The following TRPC1 variants were observed in gnomAD, a reference collection of about 807,000 sequenced individuals.
The protein encoded by TRPC1 is short transient receptor potential channel 1.
TRPC1 carries 42 observed loss-of-function variants against 88.2 expected under a neutral mutation model. The ratio of observed to expected loss-of-function variants is 0.48; its 90% CI spans 0.37 to 0.62. The LOEUF is 0.62. Ranked by LOEUF, TRPC1 falls within the 20% of genes least tolerant of loss-of-function variation. TRPC1 has a pLI of 0.00. For missense variants in TRPC1, 699 were observed against 957.3 expected, an observed-to-expected ratio of 0.73 and a Z score of 3.56; for synonymous variants, 288 against 331.8, an observed-to-expected ratio of 0.87 and a Z score of 1.43.
intron 4 of TRPC1, among the ~76,000 whole-genome samples, chr3:142,762,321 C>T (rs912214022): frequency 6.6e-6 from 1 of 151,986 alleles, no homozygotes; most frequent in African/African-American, 2.4e-5. Context: ...CAGGTATGAG[C>T]CACCGTGCCT....
chr3:142,795,321 A>T (rs952945999), intron 9 of TRPC1, among the ~76,000 whole-genome samples: 1 of 138,148 alleles, frequency 7.2e-6, no homozygotes, highest in African/African-American at 3.3e-5. Flanking sequence ...ACATTTTCCA[A>T]ATTTGAAGAA....
chr3:142,725,311 C>T (rs1458141280), intron 1 of TRPC1, among the ~76,000 whole-genome samples: 1 of 152,112 alleles, frequency 6.6e-6, no homozygotes, highest in East Asian at 1.9e-4. Flanking sequence ...GAAGTAAGGA[C>T]GGGACGGAAG....
At chr3:142,764,015 T>A (rs991025775) in intron 4 of TRPC1, among the ~76,000 whole-genome samples, 23 of 117,228 alleles carry the variant, frequency 2.0e-4, no homozygotes, top group Non-Finnish European at 3.5e-4. Flanking sequence ...TATATATATA[T>A]AACAAATTAT....
chr3:142,778,141 G>C (rs1935847003), intron 5 of TRPC1, among the ~76,000 whole-genome samples: 1 of 152,130 alleles, frequency 6.6e-6, no homozygotes, highest in South Asian at 2.1e-4. Flanking sequence ...AATCATCCTT[G>C]AGTAATGATC....
At chr3:142,790,034 G>A (rs112952616) in intron 7 of TRPC1, among the ~76,000 whole-genome samples, 1 of 152,136 alleles carries the variant, frequency 6.6e-6, no homozygotes, top group Non-Finnish European at 1.5e-5. Context: ...AGAGTTAGGA[G>A]AATTGGGAGT....
At chr3:142,785,722 AACTCCTG>A (rs1226991096) in intron 7 of TRPC1, among the ~76,000 whole-genome samples, 2 of 152,104 alleles carry the variant, frequency 1.3e-5, no homozygotes, top group African/African-American at 4.8e-5. Flanking sequence ...GCTGGTCTCG[AACTCCTG>A]ACTTCGTAAT....
chr3:142,743,637 C>A, intron 3 of TRPC1, 51 bp downstream of exon 3: 11 of 1,187,640 alleles, frequency 9.3e-6, no homozygotes, highest in Non-Finnish European at 1.2e-5. Flanking sequence ...CAAAATAGAT[C>A]TCTTGCCCCA....
At chr3:142,769,263 C>G (rs1162671818) in intron 4 of TRPC1, among the ~76,000 whole-genome samples, 3 of 152,068 alleles carry the variant, frequency 2.0e-5, no homozygotes, top group Admixed American at 2.0e-4. Context: ...ATTTTTATCA[C>G]CTTATAAAGA....
intron 4 of TRPC1, among the ~76,000 whole-genome samples, chr3:142,762,341 T>C (rs561799126): frequency 3.9e-5 from 6 of 151,984 alleles, no homozygotes; most frequent in African/African-American, 1.4e-4. Flanking sequence ...TGGCCTCTTC[T>C]GTATTTTTTT....
At chr3:142,764,005 T>TAC in intron 4 of TRPC1, among the ~76,000 whole-genome samples, 1 of 126,930 alleles carries the variant, frequency 7.9e-6, no homozygotes. Context: ...CATACATATA[T>TAC]ATATATATAT....
chr3:142,796,853 A>AGGCAAGGCCTTCAGAGAAAGC (rs1490268891), intron 9 of TRPC1, among the ~76,000 whole-genome samples: 2 of 152,102 alleles, frequency 1.3e-5, no homozygotes, highest in Non-Finnish European at 2.9e-5. Flanking sequence ...GAAGAGAAAG[A>AGGCAAGGCCTTCAGAGAAAGC]GGCAAGGCCT....
At chr3:142,741,593 T>G (rs1176900883) in intron 2 of TRPC1, among the ~76,000 whole-genome samples, 1 of 152,218 alleles carries the variant, frequency 6.6e-6, no homozygotes, top group Non-Finnish European at 1.5e-5. Flanking sequence ...TCTTTCTTCC[T>G]TTCCCTCTAC....
intron 2 of TRPC1, among the ~76,000 whole-genome samples, chr3:142,738,849 A>T (rs770340913): frequency 1.3e-5 from 2 of 152,198 alleles, no homozygotes; most frequent in Non-Finnish European, 2.9e-5. Context: ...AATAATTGCT[A>T]ACATTTATAT....
chr3:142,762,236 A>C (rs1193168984), intron 4 of TRPC1, among the ~76,000 whole-genome samples: 2 of 151,996 alleles, frequency 1.3e-5, no homozygotes, highest in Non-Finnish European at 2.9e-5. Context: ...GGGTTTCACC[A>C]TGTTGCCCAG....
chr3:142,766,293 C>A (rs776875330), intron 4 of TRPC1, among the ~76,000 whole-genome samples: 1 of 152,020 alleles, frequency 6.6e-6, no homozygotes, highest in Non-Finnish European at 1.5e-5. Flanking sequence ...CAGACCCACC[C>A]TTAATCTGGG....
Position 142,806,875 on chromosome 3 carries a change from T to C in TRPC1, c.*640T>C, listed in dbSNP as rs1936809706. On this transcript the variant is annotated 3_prime_UTR_variant, in exon 13 of 13. Transcript: ENST00000476941. Reference sequence around the variant, plus strand: ...TACATGGTTATAATCACTTTATATTTTTAATGTTTTTTTCACTTAATATTT... The same window carrying C: ...TACATGGTTATAATCACTTTATATTCTTAATGTTTTTTTCACTTAATATTT... 6.6e-6 allele frequency: 1 copy of C among 152,028 alleles called. No individual in the cohort carries two copies. Among genetic ancestry groups the C allele is most frequent in the African/African-American group, 2.4e-5 (1 of 41,454 alleles). 9.4% of individuals were successfully genotyped at this position (152,028 alleles called of 1,614,324 possible). A position where few individuals can be genotyped will look rare whatever the true frequency, so the allele number is the denominator to read the frequency against.
chr3:142,791,215 A>G (rs1418470909), intron 8 of TRPC1, 57 bp downstream of exon 8: 4 of 1,482,412 alleles, frequency 2.7e-6, no homozygotes, highest in Admixed American at 2.0e-5. Context: ...GGAAATAGCT[A>G]AGATATTTAG....
chr3:142,744,259 T>TA (rs541807427), intron 3 of TRPC1, among the ~76,000 whole-genome samples: 1 of 151,944 alleles, frequency 6.6e-6, no homozygotes, highest in Non-Finnish European at 1.5e-5. Flanking sequence ...GTTGAAAATT[T>TA]AAAAAAAATC....
intron 5 of TRPC1, among the ~76,000 whole-genome samples, chr3:142,780,475 A>G (rs1342547514): frequency 6.6e-6 from 1 of 152,224 alleles, no homozygotes; most frequent in Non-Finnish European, 1.5e-5. Context: ...AAGGTGAGTA[A>G]TATAAAAGGA....
Sources: gnomAD v4.1 joint callset for allele counts (sites outside exome capture counted in the v4.1 genomes callset) on GRCh38, gnomAD v4.1.1 for gene constraint, MANE v1.5 for transcripts, NCBI Gene and HGNC (gene_info 2026-07-23, HGNC 2026-07-21) for gene names.